Variants in MORC3 observed in about 807,000 individuals in gnomAD.
The protein encoded by MORC3 is MORC family CW-type zinc finger 3.
A neutral mutation model predicts 109.1 loss-of-function variants in MORC3; 31 were observed. That is an observed-to-expected ratio of 0.28 (90% CI 0.21 to 0.38). The LOEUF is 0.38. MORC3 is among the 10% of genes least tolerant of loss of function. The pLI is 1.00. For missense variants in MORC3, 867 were observed against 1,135.8 expected, an observed-to-expected ratio of 0.76 and a Z score of 3.40; for synonymous variants, 395 against 380.7, an observed-to-expected ratio of 1.04 and a Z score of -0.44.
At chr21:36,351,163 A>G (rs1028246388) in intron 9 of MORC3, among the ~76,000 whole-genome samples, 3 of 133,786 alleles carry the variant, frequency 2.2e-5, no homozygotes, top group Non-Finnish European at 4.6e-5. Flanking sequence ...TGCCTCTGGG[A>G]TTCAAGTGAT....
At chr21:36,328,754 G>T (rs2146288622) in intron 1 of MORC3, among the ~76,000 whole-genome samples, 1 of 152,162 alleles carries the variant, frequency 6.6e-6, no homozygotes, top group Middle Eastern at 3.4e-3. Context: ...TGGGATTACA[G>T]GTGTGAGCCA....
intron 8 of MORC3, among the ~76,000 whole-genome samples, chr21:36,346,824 C>CA (rs1189760281): frequency 7.9e-5 from 12 of 151,338 alleles, no homozygotes; most frequent in Non-Finnish European, 1.6e-4. Flanking sequence ...AACAAACAAA[C>CA]AAAAATCGTC....
intron 1 of MORC3, among the ~76,000 whole-genome samples, chr21:36,322,583 G>A (rs1266136680): frequency 1.3e-5 from 2 of 152,064 alleles, no homozygotes; most frequent in East Asian, 3.9e-4. Flanking sequence ...TGTTGGCCAG[G>A]CTGGTCTCAA....
rs71326674 is a variant in MORC3 at position 36,327,155 on chromosome 21, C to CTTTTTTTTTTT, written c.40-6474_40-6464dup. Among the ~76,000 whole-genome samples, 5 of 81,952 alleles carry CTTTTTTTTTTT rather than the reference C, an allele frequency of 6.1e-5. 1 individual carries two copies. The highest frequency in any genetic ancestry group is 2.2e-4 in the African/African-American group (4 of 17,840). The allele number at this position is 81,952 out of a possible 152,430, so 53.8% of individuals were successfully genotyped here. A position where few individuals can be genotyped will look rare whatever the true frequency, so the allele number is the denominator to read the frequency against. Reference sequence around the variant, plus strand: ...TTAAAGATATTAATTGGCTTTATTTCTTTTTTTTTTTTTTTTTTTTTTTTT... The same window carrying CTTTTTTTTTTT: ...TTAAAGATATTAATTGGCTTTATTTCTTTTTTTTTTTTTTTTTTTTTTTTTTTTTTTTTTTT... On this transcript the variant is annotated intron_variant, in intron 1 of 16. Coordinates refer to ENST00000400485, the MANE Select transcript of MORC3 (RefSeq NM_015358.3).
At chr21:36,368,868 C>T (rs904106943) in intron 14 of MORC3, 120 bp from the exon 15 acceptor site, 31 of 923,820 alleles carry the variant, frequency 3.4e-5, no homozygotes, top group Non-Finnish European at 4.7e-6. Flanking sequence ...CAGAGTGACA[C>T]TCCATCTCAA....
intron 9 of MORC3, among the ~76,000 whole-genome samples, chr21:36,354,935 T>C (rs1250385222): frequency 6.6e-6 from 1 of 152,188 alleles, no homozygotes; most frequent in Non-Finnish European, 1.5e-5. Context: ...ACCTTTTTTT[T>C]CCTGTATATC....
chr21:36,335,374 G>A (rs993442039), intron 2 of MORC3, among the ~76,000 whole-genome samples: 1 of 145,880 alleles, frequency 6.9e-6, no homozygotes, highest in Admixed American at 7.0e-5. Flanking sequence ...GGAGTGCAGT[G>A]GCACAGTCTC....
chr21:36,327,417 G>A (rs2085261740), intron 1 of MORC3, among the ~76,000 whole-genome samples: 1 of 150,882 alleles, frequency 6.6e-6, no homozygotes, highest in Non-Finnish European at 1.5e-5. Flanking sequence ...CTCCCAAAGT[G>A]CTGGGATTAC....
chr21:36,364,489 C>T (rs894855244), intron 14 of MORC3, among the ~76,000 whole-genome samples: 35 of 152,138 alleles, frequency 2.3e-4, no homozygotes, highest in African/African-American at 8.0e-4. Context: ...ATTGACCAGC[C>T]TGGCCAACAT....
intron 10 of MORC3, among the ~76,000 whole-genome samples, chr21:36,358,896 G>C (rs1192552052): frequency 6.6e-6 from 1 of 152,108 alleles, no homozygotes; most frequent in Non-Finnish European, 1.5e-5. Context: ...AGCCAGGGTA[G>C]TCTCGATCTC....
chr21:36,368,974 A>C lies in MORC3; in HGVS notation c.1620-14A>C, dbSNP rs971892472. 1 of 1,571,538 alleles carries C rather than the reference A, an allele frequency of 6.4e-7. No individual in the cohort carries two copies. Among genetic ancestry groups the C allele is most frequent in the Non-Finnish European group, 8.6e-7 (1 of 1,158,594 alleles). On this transcript the variant is annotated splice_polypyrimidine_tract_variant and intron_variant, in intron 14 of 16. Transcript: ENST00000400485. The stretch of plus-strand genomic sequence containing the variant: ...TTTTATAATCTTATGTTTTATGTAT[A>C]AAATTTTTTTCAGCTTGAAACGGAG...
intron 10 of MORC3, among the ~76,000 whole-genome samples, chr21:36,359,556 C>CTTTTTTTTT (rs5843757): frequency 1.1e-5 from 1 of 93,952 alleles, no homozygotes; most frequent in Non-Finnish European, 1.9e-5. Context: ...CTTTCCTCTC[C>CTTTTTTTTT]TTTTTTTTTT....
At chr21:36,373,623 C>G (rs1486481381) in intron 16 of MORC3, among the ~76,000 whole-genome samples, 1 of 117,464 alleles carries the variant, frequency 8.5e-6, no homozygotes, top group Non-Finnish European at 1.8e-5. Flanking sequence ...AACTCCGTCT[C>G]AAAAAAAAAA....
Position 36,375,314 on chromosome 21 carries a change from A to C in MORC3, c.*18A>C, listed in dbSNP as rs373001534. 1.2e-4 allele frequency: 192 copies of C among 1,588,200 alleles called. No individual in the cohort carries two copies. Among genetic ancestry groups the C allele is most frequent in the Non-Finnish European group, 1.6e-4 (184 of 1,164,196 alleles). ...GTACTTAAAGTATATGTTATGTAAG[A>C]TAAAATATTTGCTCAATTCTTTTGG... On this transcript the variant is annotated 3_prime_UTR_variant, in exon 17 of 17. Transcript: ENST00000400485.
intron 6 of MORC3, among the ~76,000 whole-genome samples, chr21:36,341,907 A>C (rs2085451973): frequency 6.6e-6 from 1 of 152,198 alleles, no homozygotes; most frequent in Non-Finnish European, 1.5e-5. Flanking sequence ...TAATTCAAAA[A>C]ACAACAAATT....
chr21:36,341,486 G>A lies in MORC3; in HGVS notation c.696G>A (p.Lys232=), dbSNP rs1422739782. Residue 232 remains lysine, a synonymous_variant, in exon 6 of 17, where the codon AAG becomes AAA. Transcript: ENST00000400485. Reference sequence around the variant, plus strand: ...ATTTAGATGAGATAACAGGGAAGAAGGGGTACAAGAAGCAGGAAAGGATGG... The same window carrying A: ...ATTTAGATGAGATAACAGGGAAGAAAGGGTACAAGAAGCAGGAAAGGATGG... The part of the protein sequence containing the change: ...PEDLDEITGK[K]GYKKQERMDQ... 6.2e-7 allele frequency: 1 copy of A among 1,613,982 alleles called. No individual in the cohort carries two copies. Among genetic ancestry groups the A allele is most frequent in the African/African-American group, 1.3e-5 (1 of 74,928 alleles).
At chr21:36,320,824 G>T (rs149127467) in intron 1 of MORC3, among the ~76,000 whole-genome samples, 2 of 152,220 alleles carry the variant, frequency 1.3e-5, no homozygotes, top group Non-Finnish European at 2.9e-5. Context: ...GGCAGTGGAA[G>T]CCTTGGGGCC....
chr21:36,332,788 TTC>T (rs886779493), intron 1 of MORC3, among the ~76,000 whole-genome samples: 1 of 82,272 alleles, frequency 1.2e-5, no homozygotes, highest in Non-Finnish European at 2.1e-5. Context: ...TTGGAACTCT[TTC>T]TTTTTTTTTT....
At chr21:36,355,730 T>C (rs1318187222) in intron 9 of MORC3, among the ~76,000 whole-genome samples, 2 of 151,906 alleles carry the variant, frequency 1.3e-5, no homozygotes, top group African/African-American at 4.8e-5. Flanking sequence ...CAAGAATAGC[T>C]TGAGGCCAGG....
Sources: gnomAD v4.1 joint callset for allele counts (sites outside exome capture counted in the v4.1 genomes callset) on GRCh38, gnomAD v4.1.1 for gene constraint, MANE v1.5 for transcripts, NCBI Gene and HGNC (gene_info 2026-07-23, HGNC 2026-07-21) for gene names.